The following FKBP15 variants were observed in gnomAD, a reference collection of about 807,000 sequenced individuals.
FKBP15 encodes FK506-binding protein 15.
In FKBP15, 106 loss-of-function variants were observed where a neutral mutation model predicts 158.1. The observed-to-expected ratio is 0.67, with a 90% CI of 0.57 to 0.79. The LOEUF is 0.79. Ranked by LOEUF, FKBP15 falls within the 30% of genes least tolerant of loss-of-function variation. The pLI is 0.00. For synonymous variants in FKBP15, 547 were observed against 548.6 expected (o/e 1.00, Z 0.04); for missense variants, 1,287 against 1,479.1 (o/e 0.87, Z 2.13).
At chr9:113,181,774 A>T (rs1830401581) in intron 19 of FKBP15, among the ~76,000 whole-genome samples, 1 of 152,224 alleles carries the variant, frequency 6.6e-6, no homozygotes. Flanking sequence ...AAGGAAGAGA[A>T]GAAATAAAAG....
intron 19 of FKBP15, 71 bp from the exon 20 acceptor site, chr9:113,178,872 C>A: frequency 7.0e-7 from 1 of 1,434,520 alleles, no homozygotes; most frequent in Non-Finnish European, 9.4e-7. Context: ...ACCAACCTCA[C>A]ATAACTCTAT....
chr9:113,188,748 GGTTGAT>G (rs1830525180), intron 12 of FKBP15, among the ~76,000 whole-genome samples: 1 of 152,182 alleles, frequency 6.6e-6, no homozygotes, highest in South Asian at 2.1e-4. Context: ...TATTCTCAGA[GGTTGAT>G]GTTCTATTGT....
chr9:113,174,587 A>G lies in FKBP15; in HGVS notation c.2224-4T>C. On this transcript the variant is annotated splice_polypyrimidine_tract_variant and splice_region_variant and intron_variant, in intron 21 of 27. Transcript: ENST00000238256. ...TCTTTTTCCTTTCTGAGAGGTTCTT[A>G]GGAACAAGAGAACCATCATCAGCTC... 1 of 1,613,470 alleles carries G rather than the reference A, an allele frequency of 6.2e-7. No individual in the cohort carries two copies. The highest frequency in any genetic ancestry group is 8.5e-7 in the Non-Finnish European group (1 of 1,179,704).
chr9:113,169,294 A>T lies in FKBP15; in HGVS notation c.3415T>A (p.Ser1139Thr). The T allele has an allele frequency of 1.2e-6, 2 of 1,614,040 alleles. No individual in the cohort carries two copies. Among genetic ancestry groups the T allele is most frequent in the Non-Finnish European group, 1.7e-6 (2 of 1,179,896 alleles). ...TSSTGPHKELSSTEAGSTVAG... is the reference protein window; with the variant it reads ...TSSTGPHKELTSTEAGSTVAG... ...ACTGTGGAACCTGCCTCTGTGCTTG[A>T]CAGCTCCTTGTGGGGACCGGTGGAG... The change falls in exon 26 of 28, where the codon TCA becomes ACA. Residue 1139 changes from serine to threonine, a missense_variant. Coordinates refer to ENST00000238256, the MANE Select transcript of FKBP15 (RefSeq NM_015258.2).
chr9:113,169,022 C>T (rs1054225320), intron 26 of FKBP15, among the ~76,000 whole-genome samples: 1 of 151,558 alleles, frequency 6.6e-6, no homozygotes, highest in African/African-American at 2.4e-5. Context: ...GCCCGCCACA[C>T]TACCACAGGG....
At chr9:113,202,891 A>G (rs1830819950) in intron 5 of FKBP15, 70 bp downstream of exon 5, 1 of 1,232,852 alleles carries the variant, frequency 8.1e-7, no homozygotes, top group East Asian at 2.4e-5. Context: ...TCTATTAGGT[A>G]CAATCAGACC....
At chr9:113,217,149 C>T (rs1428632236) in intron 1 of FKBP15, among the ~76,000 whole-genome samples, 1 of 150,676 alleles carries the variant, frequency 6.6e-6, no homozygotes, top group Non-Finnish European at 1.5e-5. Flanking sequence ...GGTGATCCAC[C>T]TGCCTCAGCC....
intron 10 of FKBP15, 79 bp from the exon 11 acceptor site, chr9:113,193,628 T>C (rs1830616014): frequency 8.1e-7 from 1 of 1,227,748 alleles, no homozygotes. Flanking sequence ...GATAAGCAAA[T>C]TGTTTTTTTA....
rs1027680509 is a variant in FKBP15 at position 113,204,176 on chromosome 9, C to G, written c.325-1141G>C. On this transcript the variant is annotated intron_variant, in intron 4 of 27. Coordinates refer to ENST00000238256, the MANE Select transcript of FKBP15 (RefSeq NM_015258.2). ...TACCGCAACCTCCACCTCCCAGGTTCAAGCAATTCTCCTGCCCCAGCCTCC... is the reference window on the plus strand; with the variant it reads ...TACCGCAACCTCCACCTCCCAGGTTGAAGCAATTCTCCTGCCCCAGCCTCC... Among the ~76,000 whole-genome samples the G allele has an allele frequency of 3.3e-5, 5 of 152,186 alleles. No homozygotes were observed. In the East Asian group the frequency reaches 9.6e-4, roughly 29 times the overall value.
intron 1 of FKBP15, among the ~76,000 whole-genome samples, chr9:113,212,535 A>C (rs895740511): frequency 6.6e-6 from 1 of 152,016 alleles, no homozygotes; most frequent in African/African-American, 2.4e-5. Context: ...ACCAGTCCTT[A>C]TTTCACCTCA....
chr9:113,176,545 A>T lies in FKBP15; in HGVS notation c.2215T>A (p.Leu739Met). 6.4e-7 allele frequency: 1 copy of T among 1,555,020 alleles called. No individual in the cohort carries two copies. The highest frequency in any genetic ancestry group is 8.7e-7 in the Non-Finnish European group (1 of 1,148,134). The change falls in exon 21 of 28, where the codon TTG becomes ATG. Residue 739 changes from leucine (L) to methionine (M), a missense_variant. Physicochemically the swap from Leu to Met is conservative, Grantham distance 15. Coordinates refer to ENST00000238256, the MANE Select transcript of FKBP15 (RefSeq NM_015258.2). ...TGGGTTGTAGAGCTTACCTTTTCCA[A>T]GGACTCCTTCTCAACTCGAAGGTCA... ...LTDLRVEKES[L>M]EKNLSERKKK...
intron 17 of FKBP15, 73 bp from the exon 18 acceptor site, chr9:113,183,918 G>A: frequency 9.4e-7 from 1 of 1,061,142 alleles, no homozygotes; most frequent in Non-Finnish European, 1.4e-6. Context: ...GAATCAACTT[G>A]AACTGACAGG....
At chr9:113,203,082 G>A (rs369198162) in intron 4 of FKBP15, 47 bp from the exon 5 acceptor site, 5 of 1,270,390 alleles carry the variant, frequency 3.9e-6, no homozygotes, top group Non-Finnish European at 5.6e-6. Context: ...AGAGACAGCA[G>A]AAGTTAAAAG....
At chr9:113,183,988 AACAAC>A (rs1214798293) in intron 17 of FKBP15, 143 bp from the exon 18 acceptor site, 1 of 656,612 alleles carries the variant, frequency 1.5e-6, no homozygotes, top group Non-Finnish European at 2.7e-6. Flanking sequence ...TGTATGTTAA[AACAAC>A]ACATCAGATT....
Position 113,216,083 on chromosome 9 carries a change from G to GGAA in FKBP15, c.54-4492_54-4491insTTC, listed in dbSNP as rs1554718976. ...GGGTTGGACACAACCTTTATTTTGT[G>GGAA]AAAAAAAAAAAAAAAAAAATCTGCA... On this transcript the variant is annotated intron_variant, in intron 1 of 27. Coordinates refer to ENST00000238256, the MANE Select transcript of FKBP15 (RefSeq NM_015258.2). 8.1e-5 allele frequency among the ~76,000 whole-genome samples: 7 copies of GGAA among 85,980 alleles called. No individual in the cohort carries two copies. In the East Asian group the frequency reaches 9.4e-4, roughly 11 times the overall value. The allele number at this position is 85,980 out of a possible 152,430, so 56.4% of individuals were successfully genotyped here. A position where few individuals can be genotyped will look rare whatever the true frequency, so the allele number is the denominator to read the frequency against.
In FKBP15 at chr9:113,164,270, C is replaced by G. The variant is rs1182508273; in HGVS notation, c.*1808G>C. The G allele has an allele frequency of 2.2e-5, 3 of 137,080 alleles. No individual in the cohort carries two copies. Among genetic ancestry groups the G allele is most frequent in the Admixed American group, 1.5e-4 (2 of 13,664 alleles). The allele number at this position is 137,080 out of a possible 1,614,324, so 8.5% of individuals were successfully genotyped here. ...CTGTCTGAGGACAGAGTCCATCCAT[C>G]TGCTACAAAGACAACTCTGCTCAGG... is the stretch of plus-strand genomic sequence containing the variant. On this transcript the variant is annotated 3_prime_UTR_variant, in exon 28 of 28. Coordinates refer to ENST00000238256, the MANE Select transcript of FKBP15 (RefSeq NM_015258.2).
intron 4 of FKBP15, chr9:113,206,247 C>CA (rs1384313300): frequency 8.0e-6 from 4 of 500,548 alleles, no homozygotes; most frequent in Middle Eastern, 5.4e-4. Flanking sequence ...AACAAACAAA[C>CA]AAAAAAATGC....
intron 20 of FKBP15, 30 bp downstream of exon 20, chr9:113,178,600 C>A: frequency 6.4e-7 from 1 of 1,556,482 alleles, no homozygotes; most frequent in Non-Finnish European, 8.7e-7. Context: ...TAAATGGCAA[C>A]AATCCCAGCA....
chr9:113,166,014 G>T lies in FKBP15; in HGVS notation c.*64C>A. ...CTGTGGTTCGCCTAGACCCAGGGTT[G>T]GCTGTGCAAAATCATGCTTAGGGAA... On this transcript the variant is annotated 3_prime_UTR_variant, in exon 28 of 28. Coordinates refer to ENST00000238256, the MANE Select transcript of FKBP15 (RefSeq NM_015258.2). 6.7e-7 allele frequency: 1 copy of T among 1,490,298 alleles called. No individual in the cohort carries two copies. Among genetic ancestry groups the T allele is most frequent in the Non-Finnish European group, 9.2e-7 (1 of 1,085,192 alleles). The allele number at this position is 1,490,298 out of a possible 1,614,324, so 92.3% of individuals were successfully genotyped here. A position where few individuals can be genotyped will look rare whatever the true frequency, so the allele number is the denominator to read the frequency against.
Sources: gnomAD v4.1 joint callset for allele counts (sites outside exome capture counted in the v4.1 genomes callset) on GRCh38, gnomAD v4.1.1 for gene constraint, MANE v1.5 for transcripts, NCBI Gene and HGNC (gene_info 2026-07-23, HGNC 2026-07-21) for gene names.